CSMD1: variants seen among roughly 807,000 people sequenced by gnomAD.
The protein encoded by CSMD1 is CUB and sushi domain-containing protein 1.
Under a neutral mutation model 417.5 loss-of-function variants are expected in CSMD1, and 213 were observed. The observed-to-expected ratio is 0.51, with a 90% confidence interval of 0.46 to 0.57. The LOEUF is 0.57. Ranked by LOEUF, CSMD1 falls within the 20% of genes least tolerant of loss-of-function variation. The probability of loss-of-function intolerance (pLI) is 0.00; values close to 1 mark genes in which losing one functional copy is unlikely to be tolerated. For synonymous variants in CSMD1, 2,862 were observed against 1,736.8 expected (o/e 1.65, Z -16.11); for missense variants, 6,923 against 4,529.7 (o/e 1.53, Z -15.17).
At chr8:3,649,213 C>T (rs1334014667) in intron 7 of CSMD1, among the ~76,000 whole-genome samples, 3 of 152,088 alleles carry the variant, frequency 2.0e-5, no homozygotes, top group Admixed American at 6.6e-5. Context: ...ATAAGTCTTC[C>T]GATATTTTCC....
intron 1 of CSMD1, among the ~76,000 whole-genome samples, chr8:4,704,687 T>C (rs949342004): frequency 6.6e-6 from 1 of 152,212 alleles, no homozygotes; most frequent in African/African-American, 2.4e-5. Flanking sequence ...TCCAAAAGTA[T>C]TTTGTTTGTT....
At chr8:4,394,703 C>T (rs1804083480) in intron 3 of CSMD1, among the ~76,000 whole-genome samples, 1 of 152,296 alleles carries the variant, frequency 6.6e-6, no homozygotes, top group Non-Finnish European at 1.5e-5. Flanking sequence ...CCCTGACTGG[C>T]TTATCTGTTG....
chr8:4,519,327 T>C (rs903687469), intron 2 of CSMD1, among the ~76,000 whole-genome samples: 3 of 152,052 alleles, frequency 2.0e-5, no homozygotes, highest in Admixed American at 2.0e-4. Context: ...TGAATGAACT[T>C]ATGGTTCAAT....
At chr8:4,302,573 A>T (rs4875314) in intron 3 of CSMD1, among the ~76,000 whole-genome samples, 49 of 152,236 alleles carry the variant, frequency 3.2e-4, no homozygotes, top group African/African-American at 1.1e-3. Flanking sequence ...CTCTCTCTCA[A>T]CCCTATACGA....
At chr8:3,667,109 G>T (rs777254763) in intron 7 of CSMD1, among the ~76,000 whole-genome samples, 1 of 152,080 alleles carries the variant, frequency 6.6e-6, no homozygotes. Context: ...AATCTTGTAG[G>T]CATTAGGGAT....
intron 1 of CSMD1, among the ~76,000 whole-genome samples, chr8:4,691,274 G>C (rs186581883): frequency 3.4e-4 from 52 of 152,276 alleles, no homozygotes; most frequent in African/African-American, 1.2e-3. Flanking sequence ...TGAATAGGTG[G>C]AGAGTGTGAA....
intron 12 of CSMD1, among the ~76,000 whole-genome samples, chr8:3,422,239 C>T (rs910197397): frequency 1.3e-5 from 2 of 152,100 alleles, no homozygotes; most frequent in East Asian, 1.9e-4. Context: ...GGGCTGGACT[C>T]ACACTTAGCC....
chr8:4,793,587 T>A (rs911383885), intron 1 of CSMD1, among the ~76,000 whole-genome samples: 1 of 151,992 alleles, frequency 6.6e-6, no homozygotes, highest in Non-Finnish European at 1.5e-5. Context: ...ACTTTTTAGT[T>A]TGAGGCATTG....
intron 23 of CSMD1, among the ~76,000 whole-genome samples, chr8:3,334,082 T>C (rs192804811): frequency 6.6e-6 from 1 of 152,178 alleles, no homozygotes; most frequent in Non-Finnish European, 1.5e-5. Context: ...ATTGAAAGAA[T>C]CTATATGAGA....
intron 10 of CSMD1, among the ~76,000 whole-genome samples, chr8:3,546,386 A>T (rs1034643856): frequency 6.6e-6 from 1 of 152,082 alleles, no homozygotes; most frequent in African/African-American, 2.4e-5. Context: ...AATACAAAAA[A>T]TTAGCTGGGT....
At position 2,976,114 on chromosome 8, in the gene CSMD1, T is replaced by C. The variant is rs190910654; in HGVS notation, c.8567-1490A>G. On this transcript the variant is annotated intron_variant, in intron 55 of 69. Transcript: ENST00000635120. ...TGTTAAATAAGGCTGAGAATTTTTTTGAAAGTTACCACTGTCGTTCTCCAC... is the reference window on the plus strand; with the variant it reads ...TGTTAAATAAGGCTGAGAATTTTTTCGAAAGTTACCACTGTCGTTCTCCAC... Among the ~76,000 whole-genome samples, 91 of 152,188 alleles carry C rather than the reference T, an allele frequency of 6.0e-4. 1 individual carries two copies. The highest frequency in any genetic ancestry group is 3.1e-4 in the Non-Finnish European group (21 of 68,044).
chr8:4,288,436 A>G (rs1192032225), intron 3 of CSMD1, among the ~76,000 whole-genome samples: 1 of 152,192 alleles, frequency 6.6e-6, no homozygotes, highest in African/African-American at 2.4e-5. Flanking sequence ...AGGAAATTCA[A>G]TTCAATGCTG....
chr8:3,520,019 C>CATATATATATATATATATATATATAT (rs1491479503), intron 10 of CSMD1, among the ~76,000 whole-genome samples: 55 of 114,004 alleles, frequency 4.8e-4, no homozygotes, highest in African/African-American at 2.1e-3. Flanking sequence ...TGTGTATATA[C>CATATATATATATATATATATATATAT]CTATATATAT....
chr8:3,248,042 C>T (rs1799999347), intron 26 of CSMD1, among the ~76,000 whole-genome samples: 1 of 152,132 alleles, frequency 6.6e-6, no homozygotes, highest in African/African-American at 2.4e-5. Context: ...GCATGAACAA[C>T]ACCGGCTGTG....
chr8:4,938,199 T>A (rs929893147), intron 1 of CSMD1, among the ~76,000 whole-genome samples: 3 of 152,210 alleles, frequency 2.0e-5, no homozygotes, highest in Non-Finnish European at 4.4e-5. Flanking sequence ...CTGTTGACTT[T>A]GAGCTACTAG....
intron 5 of CSMD1, among the ~76,000 whole-genome samples, chr8:3,779,643 G>C (rs919555034): frequency 6.6e-5 from 10 of 152,232 alleles, no homozygotes; most frequent in East Asian, 5.8e-4. Context: ...TAATATTTTA[G>C]GTTACATTTA....
At chr8:3,180,265 T>C (rs259858) in intron 37 of CSMD1, among the ~76,000 whole-genome samples, 141,657 of 152,258 alleles carry the variant, frequency 0.93, 65,970 homozygotes, top group Non-Finnish European at 0.95. Context: ...CTATTAACTC[T>C]GTCTCACATC....
intron 2 of CSMD1, among the ~76,000 whole-genome samples, chr8:4,478,980 A>C (rs1526337): frequency 1.3e-5 from 2 of 152,006 alleles, no homozygotes; most frequent in Non-Finnish European, 2.9e-5. Context: ...ATTCCCCCAA[A>C]AGGAACGATA....
intron 3 of CSMD1, among the ~76,000 whole-genome samples, chr8:4,087,614 C>A (rs897300881): frequency 6.6e-6 from 1 of 152,010 alleles, no homozygotes; most frequent in South Asian, 2.1e-4. Flanking sequence ...TCTCTCATTC[C>A]CAAATCTTTC....
Sources: gnomAD v4.1 joint callset for allele counts (sites outside exome capture counted in the v4.1 genomes callset) on GRCh38, gnomAD v4.1.1 for gene constraint, MANE v1.5 for transcripts, NCBI Gene and HGNC (gene_info 2026-07-23, HGNC 2026-07-21) for gene names.